The following PRELID2 variants were observed in gnomAD, a reference collection of about 807,000 sequenced individuals.
The protein encoded by PRELID2 is PRELI domain containing 2.
Under a neutral mutation model 28.4 loss-of-function variants are expected in PRELID2, and 25 were observed. The observed-to-expected ratio is 0.88, with a 90% CI of 0.64 to 1.23. The LOEUF is 1.23. Among genes scored for constraint, PRELID2 ranks in the 50% most tolerant of loss-of-function variants. The pLI is 0.00. For synonymous variants in PRELID2, 76 were observed against 71.6 expected (o/e 1.06, Z -0.31); for missense variants, 201 against 214.4 (o/e 0.94, Z 0.39).
the PRELID2 span, among the ~76,000 whole-genome samples, chr5:145,403,263 T>C: frequency 6.6e-6 from 1 of 152,090 alleles, no homozygotes; most frequent in Non-Finnish European, 1.5e-5. Flanking sequence ...CAGTGCCAGG[T>C]GTGATGGCTC....
chr5:145,244,289 A>G, the PRELID2 span, among the ~76,000 whole-genome samples: 10 of 151,938 alleles, frequency 6.6e-5, no homozygotes, highest in Non-Finnish European at 1.5e-5. Flanking sequence ...CACTCTTAAT[A>G]TACTTGCCCA....
chr5:145,358,193 A>G, the PRELID2 span, among the ~76,000 whole-genome samples: 4 of 152,180 alleles, frequency 2.6e-5, no homozygotes, highest in Admixed American at 2.6e-4. Flanking sequence ...GTGCCTGCCT[A>G]CAGGGTTCAG....
intron 1 of PRELID2, among the ~76,000 whole-genome samples, chr5:145,688,042 T>C (rs1461398537): frequency 6.6e-6 from 1 of 152,230 alleles, no homozygotes; most frequent in Non-Finnish European, 1.5e-5. Flanking sequence ...ATGCCTCTCA[T>C]TGGCATCCTG....
intron 1 of PRELID2, among the ~76,000 whole-genome samples, chr5:145,519,121 T>A (rs1752543037): frequency 6.6e-6 from 1 of 152,172 alleles, no homozygotes; most frequent in Non-Finnish European, 1.5e-5. Flanking sequence ...CAGATATTAT[T>A]GTTGACTTGA....
chr5:145,719,747 C>A (rs1275482801), intron 1 of PRELID2, among the ~76,000 whole-genome samples: 2 of 151,804 alleles, frequency 1.3e-5, no homozygotes, highest in African/African-American at 4.8e-5. Flanking sequence ...TTGAAACATT[C>A]AAAATGATAA....
At chr5:145,729,260 CA>C (rs1231122332) in intron 1 of PRELID2, 14 of 1,069,326 alleles carry the variant, frequency 1.3e-5, no homozygotes, top group Non-Finnish European at 2.0e-5. Context: ...AAATTGCTAA[CA>C]TACCAAAATC....
intron 4 of PRELID2, among the ~76,000 whole-genome samples, chr5:145,808,526 C>T (rs1021739117): frequency 6.6e-5 from 10 of 152,036 alleles, no homozygotes; most frequent in Non-Finnish European, 1.5e-4. Context: ...AAGTTGTATC[C>T]ATATCTATTA....
the PRELID2 span, among the ~76,000 whole-genome samples, chr5:145,455,880 C>T: frequency 6.6e-6 from 1 of 152,196 alleles, no homozygotes; most frequent in African/African-American, 2.4e-5. Flanking sequence ...CACTGTCTAA[C>T]CAGTCCCAGT....
At chr5:145,352,588 T>A in the PRELID2 span, among the ~76,000 whole-genome samples, 4 of 152,212 alleles carry the variant, frequency 2.6e-5, no homozygotes, top group Non-Finnish European at 5.9e-5. Flanking sequence ...GGCCTGGAGA[T>A]ATTTTCCCAT....
At chr5:145,640,621 G>T (rs1450501523) in intron 1 of PRELID2, among the ~76,000 whole-genome samples, 1 of 149,650 alleles carries the variant, frequency 6.7e-6, no homozygotes, top group Non-Finnish European at 1.5e-5. Context: ...CCCAGCCTGG[G>T]CTACAGAGCG....
chr5:145,595,356 C>T (rs6874465), intron 1 of PRELID2, among the ~76,000 whole-genome samples: 16,592 of 151,950 alleles, frequency 0.11, 2,443 homozygotes, highest in African/African-American at 0.34. Flanking sequence ...TTTAAGCCTT[C>T]GTGTTCAAAA....
the PRELID2 span, among the ~76,000 whole-genome samples, chr5:145,352,897 T>C: frequency 6.6e-6 from 1 of 152,134 alleles, no homozygotes; most frequent in African/African-American, 2.4e-5. Context: ...TCCCAATAAT[T>C]TTCTCATCTC....
chr5:145,332,748 C>T, the PRELID2 span, among the ~76,000 whole-genome samples: 1 of 151,866 alleles, frequency 6.6e-6, no homozygotes, highest in Admixed American at 6.6e-5. Context: ...TTATTACCCA[C>T]CTTCTGAAGC....
chr5:145,715,838 T>C (rs1390222497), intron 1 of PRELID2, among the ~76,000 whole-genome samples: 3 of 152,190 alleles, frequency 2.0e-5, no homozygotes, highest in African/African-American at 4.8e-5. Context: ...TGACCATCGA[T>C]CTAGAGGAGT....
At chr5:145,347,778 G>T in the PRELID2 span, among the ~76,000 whole-genome samples, 2 of 152,006 alleles carry the variant, frequency 1.3e-5, no homozygotes, top group Non-Finnish European at 2.9e-5. Flanking sequence ...AATATAAGAT[G>T]TTAATAATAG....
intron 1 of PRELID2, among the ~76,000 whole-genome samples, chr5:145,516,671 T>C (rs1441736837): frequency 2.0e-5 from 3 of 151,950 alleles, no homozygotes; most frequent in Non-Finnish European, 2.9e-5. Flanking sequence ...AAAGACCCCA[T>C]ATAGTGAAGA....
rs1755294940 is a variant in PRELID2 at position 145,827,815 on chromosome 5, C to T, written c.76-4681G>A. The stretch of plus-strand genomic sequence containing the variant: ...AGGAACCGTCCTACACTGCAGGACA[C>T]TGGCAGCTAAATGCAATGTGGGGTC... On this transcript the variant is annotated intron_variant, in intron 1 of 6. Transcript: ENST00000683046. 2.0e-5 allele frequency among the ~76,000 whole-genome samples: 3 copies of T among 152,290 alleles called. No homozygotes were observed. In the South Asian group the frequency reaches 6.2e-4, roughly 32 times the overall value.
At chr5:145,414,446 C>T in the PRELID2 span, among the ~76,000 whole-genome samples, 1 of 152,146 alleles carries the variant, frequency 6.6e-6, no homozygotes, top group East Asian at 1.9e-4. Flanking sequence ...CCCCTCAGAA[C>T]GTGTAGTTAC....
intron 1 of PRELID2, among the ~76,000 whole-genome samples, chr5:145,516,312 T>C (rs924022437): frequency 6.6e-6 from 1 of 152,182 alleles, no homozygotes; most frequent in African/African-American, 2.4e-5. Flanking sequence ...ACAAAATCAA[T>C]GTGCAAAAAT....
Sources: gnomAD v4.1 joint callset for allele counts (sites outside exome capture counted in the v4.1 genomes callset) on GRCh38, gnomAD v4.1.1 for gene constraint, MANE v1.5 for transcripts, NCBI Gene and HGNC (gene_info 2026-07-23, HGNC 2026-07-21) for gene names.